Variants in MSRA observed in about 807,000 individuals in gnomAD.
MSRA encodes mitochondrial peptide methionine sulfoxide reductase.
A neutral mutation model predicts 31.3 loss-of-function variants in MSRA; 54 were observed. The ratio of observed to expected loss-of-function variants is 1.73; its 90% CI spans 1.39 to 2.17. MSRA has a LOEUF of 2.17. Among genes scored for constraint, MSRA ranks in the 30% most tolerant of loss-of-function variants. The pLI, the probability that MSRA is intolerant of heterozygous loss-of-function variation, is 0.00. For missense variants in MSRA, 507 were observed against 300.9 expected, an observed-to-expected ratio of 1.69 and a Z score of -5.07; for synonymous variants, 169 against 116.5, an observed-to-expected ratio of 1.45 and a Z score of -2.90.
At chr8:10,231,159 G>C (rs138548623) in intron 2 of MSRA, among the ~76,000 whole-genome samples, 36 of 152,280 alleles carry the variant, frequency 2.4e-4, no homozygotes, top group African/African-American at 8.2e-4. Context: ...GAAGGGATGA[G>C]AAAGGCGGCA....
chr8:10,106,492 G>T (rs138085389), intron 1 of MSRA, among the ~76,000 whole-genome samples: 206 of 152,124 alleles, frequency 1.4e-3, no homozygotes, highest in Admixed American at 2.5e-3. Flanking sequence ...AATAATGACT[G>T]TTGTTTAATT....
chr8:10,297,370 G>A (rs190331976), intron 3 of MSRA, among the ~76,000 whole-genome samples: 14 of 152,254 alleles, frequency 9.2e-5, no homozygotes, highest in East Asian at 5.8e-4. Context: ...TAAAGCCCCC[G>A]TAATGCTGCT....
intron 1 of MSRA, among the ~76,000 whole-genome samples, chr8:10,081,415 T>C (rs1424015056): frequency 6.6e-6 from 1 of 152,218 alleles, no homozygotes; most frequent in Non-Finnish European, 1.5e-5. Context: ...TCGGGGAGTT[T>C]GTGTTCTCAT....
intron 1 of MSRA, among the ~76,000 whole-genome samples, chr8:10,062,152 C>A (rs1043538862): frequency 6.6e-6 from 1 of 152,222 alleles, no homozygotes; most frequent in Admixed American, 6.5e-5. Flanking sequence ...TAAGCTTGGT[C>A]TGGCTCCTGC....
At chr8:10,079,418 G>A (rs936502217) in intron 1 of MSRA, among the ~76,000 whole-genome samples, 3 of 152,104 alleles carry the variant, frequency 2.0e-5, no homozygotes, top group African/African-American at 7.2e-5. Flanking sequence ...GCCTCCCAAA[G>A]TGCTGGACTT....
intron 1 of MSRA, among the ~76,000 whole-genome samples, chr8:10,066,668 G>A (rs748540451): frequency 3.9e-5 from 6 of 152,056 alleles, no homozygotes; most frequent in Admixed American, 2.0e-4. Flanking sequence ...CGAGTAGATG[G>A]GATTACAGGC....
chr8:10,069,516 C>G (rs112792689), intron 1 of MSRA, among the ~76,000 whole-genome samples: 37 of 152,334 alleles, frequency 2.4e-4, no homozygotes, highest in African/African-American at 8.7e-4. Context: ...CCATGATCAC[C>G]GTCAACATGT....
intron 1 of MSRA, among the ~76,000 whole-genome samples, chr8:10,155,216 C>T (rs563978758): frequency 6.6e-6 from 1 of 152,110 alleles, no homozygotes; most frequent in South Asian, 2.1e-4. Flanking sequence ...ATATTGATGA[C>T]ATTCTGAAAC....
intron 1 of MSRA, among the ~76,000 whole-genome samples, chr8:10,153,002 G>C (rs1268267802): frequency 1.3e-5 from 2 of 152,180 alleles, no homozygotes; most frequent in Non-Finnish European, 2.9e-5. Flanking sequence ...CAGGGGCTGA[G>C]GAGAAGAGGG....
chr8:10,082,231 A>C (rs1271010681), intron 1 of MSRA, among the ~76,000 whole-genome samples: 1 of 152,086 alleles, frequency 6.6e-6, no homozygotes, highest in Non-Finnish European at 1.5e-5. Context: ...CAAACAAACG[A>C]AACAAAACAA....
intron 2 of MSRA, among the ~76,000 whole-genome samples, chr8:10,220,343 G>A (rs185718190): frequency 7.2e-5 from 11 of 152,236 alleles, no homozygotes; most frequent in Admixed American, 3.3e-4. Flanking sequence ...CCAGATTTCA[G>A]CTGGGATTCC....
intron 3 of MSRA, among the ~76,000 whole-genome samples, chr8:10,284,714 C>T (rs1799841726): frequency 1.3e-5 from 2 of 152,092 alleles, no homozygotes; most frequent in Admixed American, 1.3e-4. Context: ...TGGGTTCTGA[C>T]TCCGCCCCTC....
At position 10,299,726 on chromosome 8, in the gene MSRA, G is replaced by A. The variant is rs1407940606; in HGVS notation, c.332-1808G>A. Among the ~76,000 whole-genome samples, 4 of 152,060 alleles carry A rather than the reference G, an allele frequency of 2.6e-5. No homozygotes were observed. In the East Asian group the frequency reaches 7.7e-4, roughly 29 times the overall value. On this transcript the variant is annotated intron_variant, in intron 3 of 5. Coordinates refer to ENST00000317173, the MANE Select transcript of MSRA (RefSeq NM_012331.5). ...TATCTTCCAGCTATGAATTGCTAAG[G>A]ATTAAAAATGTTGTAATGGTGACTG...
intron 2 of MSRA, among the ~76,000 whole-genome samples, chr8:10,228,331 C>T (rs767980016): frequency 6.6e-6 from 1 of 152,196 alleles, no homozygotes; most frequent in Non-Finnish European, 1.5e-5. Context: ...TGGAAATGCG[C>T]TGCATGTGGT....
intron 3 of MSRA, among the ~76,000 whole-genome samples, chr8:10,256,735 C>G (rs1200477146): frequency 1.3e-5 from 2 of 152,168 alleles, no homozygotes; most frequent in Non-Finnish European, 2.9e-5. Flanking sequence ...CCATTCTTCC[C>G]TTTCTGTGGG....
intron 5 of MSRA, among the ~76,000 whole-genome samples, chr8:10,359,902 C>T (rs902774024): frequency 2.0e-5 from 3 of 152,208 alleles, no homozygotes; most frequent in African/African-American, 7.2e-5. Context: ...TGTTGCATCC[C>T]ACAGTGTTAA....
intron 1 of MSRA, among the ~76,000 whole-genome samples, chr8:10,206,704 G>C (rs963522281): frequency 2.0e-5 from 3 of 152,178 alleles, no homozygotes; most frequent in African/African-American, 7.2e-5. Flanking sequence ...TCCAGGAGTG[G>C]CAGCGCCTTC....
chr8:10,265,912 A>G (rs191936409), intron 3 of MSRA, among the ~76,000 whole-genome samples: 141 of 152,286 alleles, frequency 9.3e-4, no homozygotes, highest in African/African-American at 3.3e-3. Context: ...TTTGAGATGC[A>G]TCCATGTTCT....
At chr8:10,147,708 C>T (rs1287353299) in intron 1 of MSRA, among the ~76,000 whole-genome samples, 2 of 152,142 alleles carry the variant, frequency 1.3e-5, no homozygotes, top group East Asian at 3.9e-4. Flanking sequence ...GAGAAGGGTG[C>T]TCAACCACCA....
Sources: allele counts gnomAD v4.1 joint callset (sites outside exome capture counted in the v4.1 genomes callset), GRCh38; gene constraint gnomAD v4.1.1; transcripts MANE v1.5; gene names NCBI Gene and HGNC (gene_info 2026-07-23, HGNC 2026-07-21).